CSMD3: variants seen among roughly 807,000 people sequenced by gnomAD.
The protein encoded by CSMD3 is CUB and sushi domain-containing protein 3.
Under a neutral mutation model 435.2 loss-of-function variants are expected in CSMD3, and 177 were observed. That is an observed-to-expected ratio of 0.41 (90% CI 0.36 to 0.46). The LOEUF (loss-of-function observed/expected upper bound fraction) is 0.46, where lower values mean the gene tolerates loss of function less well. Among genes scored for constraint, CSMD3 ranks in the 20% least tolerant of loss-of-function variants. The pLI, the probability that CSMD3 is intolerant of heterozygous loss-of-function variation, is 0.34. For missense variants in CSMD3, 4,265 were observed against 4,504.6 expected (o/e 0.95, Z 1.52); for synonymous variants, 1,656 against 1,520.5 (o/e 1.09, Z -2.07).
intron 61 of CSMD3, among the ~76,000 whole-genome samples, chr8:112,258,940 G>A (rs183459642): frequency 4.3e-3 from 650 of 152,162 alleles, no homozygotes; most frequent in Non-Finnish European, 6.6e-3. Flanking sequence ...TCAGAAGGCC[G>A]AGGCAGGAGA....
chr8:112,491,520 T>G lies in CSMD3; in HGVS notation c.5278+969A>C, dbSNP rs991976434. Among the ~76,000 whole-genome samples, 6 of 151,952 alleles carry G rather than the reference T, an allele frequency of 3.9e-5. No homozygotes were observed. In the East Asian group the frequency reaches 1.2e-3, roughly 29 times the overall value. On this transcript the variant is annotated intron_variant, in intron 31 of 70. Transcript: ENST00000297405. ...CAAAAATTATCTGGGTGTGGTGGTG[T>G]GCACCTGTAATCCCAGTCATTAGGG...
At chr8:113,087,746 A>G (rs926069280) in intron 5 of CSMD3, among the ~76,000 whole-genome samples, 3 of 152,220 alleles carry the variant, frequency 2.0e-5, no homozygotes, top group Non-Finnish European at 4.4e-5. Context: ...ACCTAAAACC[A>G]TAAAAACCCT....
At chr8:112,514,327 A>G (rs1010138946) in intron 28 of CSMD3, among the ~76,000 whole-genome samples, 47 of 152,176 alleles carry the variant, frequency 3.1e-4, no homozygotes, top group Admixed American at 1.1e-3. Context: ...TTATCTTTAA[A>G]TATACTCAAC....
intron 31 of CSMD3, among the ~76,000 whole-genome samples, chr8:112,474,984 T>A (rs960590499): frequency 6.6e-6 from 1 of 152,124 alleles, no homozygotes; most frequent in African/African-American, 2.4e-5. Flanking sequence ...AGCAGTCAGG[T>A]GTTATTCTTA....
chr8:113,360,279 C>A (rs79727606), intron 1 of CSMD3, among the ~76,000 whole-genome samples: 1,717 of 152,136 alleles, frequency 0.011, 17 homozygotes, highest in Non-Finnish European at 0.018. Flanking sequence ...CTACTTCAGC[C>A]CTCTAGAGCT....
intron 7 of CSMD3, among the ~76,000 whole-genome samples, chr8:112,971,220 C>A (rs1234896850): frequency 6.6e-6 from 1 of 152,086 alleles, no homozygotes; most frequent in East Asian, 1.9e-4. Context: ...ATTGTTCATT[C>A]TCATGTACCT....
At chr8:113,212,012 T>G (rs548586371) in intron 3 of CSMD3, among the ~76,000 whole-genome samples, 1 of 152,276 alleles carries the variant, frequency 6.6e-6, no homozygotes, top group Admixed American at 6.5e-5. Context: ...GGAATTACTT[T>G]ATATTAATAA....
At chr8:113,240,836 C>T (rs2132242071) in intron 3 of CSMD3, among the ~76,000 whole-genome samples, 1 of 152,144 alleles carries the variant, frequency 6.6e-6, no homozygotes, top group South Asian at 2.1e-4. Flanking sequence ...AAAGCAGGTG[C>T]TCTGTAGTAA....
intron 5 of CSMD3, among the ~76,000 whole-genome samples, chr8:113,096,414 C>G (rs975057625): frequency 1.3e-5 from 2 of 152,114 alleles, no homozygotes; most frequent in Non-Finnish European, 2.9e-5. Context: ...TATCATTTAT[C>G]TTGAAAACCC....
At position 112,288,032 on chromosome 8, in the gene CSMD3, AAGAG is replaced by A. The variant is rs143895303; in HGVS notation, c.9149-790_9149-787del. 7.7e-3 allele frequency among the ~76,000 whole-genome samples: 1,148 copies of A among 149,712 alleles called. 44 individuals carry two copies. Among genetic ancestry groups the A allele is most frequent in the Admixed American group, 0.067 (997 of 14,962 alleles). On this transcript the variant is annotated intron_variant, in intron 57 of 70. Transcript: ENST00000297405. Reference sequence around the variant, plus strand: ...AGAGAGAGTGAGCGAGCTAGAGAGAAAGAGAGAGAGAGAGAGAGAAGGGTTGAAA... The same window carrying A: ...AGAGAGAGTGAGCGAGCTAGAGAGAAAGAGAGAGAGAGAGAAGGGTTGAAA...
chr8:112,932,259 A>G (rs1310207691), intron 9 of CSMD3, among the ~76,000 whole-genome samples: 1 of 152,228 alleles, frequency 6.6e-6, no homozygotes, highest in Non-Finnish European at 1.5e-5. Flanking sequence ...ATTCAATCAC[A>G]AAATGAATGA....
chr8:112,657,895 T>C (rs1357160049), intron 17 of CSMD3, among the ~76,000 whole-genome samples: 2 of 152,240 alleles, frequency 1.3e-5, no homozygotes, highest in African/African-American at 4.8e-5. Flanking sequence ...TAGTGTTTAC[T>C]TTTTAGACAA....
chr8:112,851,763 C>CA (rs537512652), intron 11 of CSMD3, among the ~76,000 whole-genome samples: 3,443 of 131,478 alleles, frequency 0.026, 57 homozygotes, highest in Non-Finnish European at 0.035. Flanking sequence ...GACTCCATCT[C>CA]AAAAAAAAAA....
At chr8:112,392,785 A>C (rs1052313079) in intron 35 of CSMD3, among the ~76,000 whole-genome samples, 1 of 151,570 alleles carries the variant, frequency 6.6e-6, no homozygotes, top group African/African-American at 2.4e-5. Flanking sequence ...AAAATATGAC[A>C]TGTTGCTTCT....
chr8:112,803,762 G>A (rs2079014660), intron 12 of CSMD3, among the ~76,000 whole-genome samples: 1 of 152,144 alleles, frequency 6.6e-6, no homozygotes, highest in African/African-American at 2.4e-5. Context: ...AGACCTCCTT[G>A]CCAGCTGATA....
At chr8:113,424,723 G>T (rs1404065689) in intron 1 of CSMD3, among the ~76,000 whole-genome samples, 1 of 151,370 alleles carries the variant, frequency 6.6e-6, no homozygotes, top group Non-Finnish European at 1.5e-5. Context: ...TGAACAGATG[G>T]GAGTCAATAA....
At chr8:112,422,712 A>T (rs1057271535) in intron 32 of CSMD3, among the ~76,000 whole-genome samples, 1 of 152,224 alleles carries the variant, frequency 6.6e-6, no homozygotes, top group African/African-American at 2.4e-5. Flanking sequence ...CTCCCAACAA[A>T]TACACCATAT....
At chr8:112,516,231 C>G (rs1382537532) in intron 28 of CSMD3, among the ~76,000 whole-genome samples, 1 of 151,960 alleles carries the variant, frequency 6.6e-6, no homozygotes, top group Non-Finnish European at 1.5e-5. Flanking sequence ...GAATCTTCTC[C>G]CAAGTTGCTT....
chr8:112,554,978 G>A (rs1827990012), intron 25 of CSMD3, among the ~76,000 whole-genome samples: 1 of 151,900 alleles, frequency 6.6e-6, no homozygotes, highest in Non-Finnish European at 1.5e-5. Context: ...ATCATTGCGA[G>A]TAGAGAACAC....
Sources: allele counts gnomAD v4.1 joint callset (sites outside exome capture counted in the v4.1 genomes callset), GRCh38; gene constraint gnomAD v4.1.1; transcripts MANE v1.5; gene names NCBI Gene and HGNC (gene_info 2026-07-23, HGNC 2026-07-21).